The following TMEM260 variants were observed in gnomAD, a reference collection of about 807,000 sequenced individuals.
TMEM260 encodes protein O-mannosyl-transferase TMEM260.
TMEM260 carries 82 observed loss-of-function variants against 88.9 expected under a neutral mutation model. The ratio of observed to expected loss-of-function variants is 0.92; its 90% confidence interval spans 0.77 to 1.11. The LOEUF (loss-of-function observed/expected upper bound fraction) is 1.11, where lower values mean the gene tolerates loss of function less well. Ranked by LOEUF, TMEM260 falls within the 50% of genes least tolerant of loss-of-function variation. TMEM260 has a pLI of 0.00. For missense variants in TMEM260, 902 were observed against 853.4 expected, an observed-to-expected ratio of 1.06 and a Z score of -0.71; for synonymous variants, 314 against 309.3, an observed-to-expected ratio of 1.02 and a Z score of -0.16.
intron 15 of TMEM260, among the ~76,000 whole-genome samples, chr14:56,638,521 C>T (rs1409762517): frequency 6.6e-6 from 1 of 152,066 alleles, no homozygotes; most frequent in East Asian, 1.9e-4. Context: ...TACTAAAGCT[C>T]ATTTGTGGAT....
At chr14:56,593,326 T>G (rs1159441988) in intron 3 of TMEM260, 1 of 152,186 alleles carries the variant, frequency 6.6e-6, no homozygotes, top group Admixed American at 6.5e-5. Context: ...GGGTGAGATT[T>G]TAAACACTTG....
intron 15 of TMEM260, among the ~76,000 whole-genome samples, chr14:56,642,316 C>A (rs1889658332): frequency 6.6e-6 from 1 of 152,108 alleles, no homozygotes. Flanking sequence ...GTCTCTCAGA[C>A]CACAGTGCAA....
At position 56,615,964 on chromosome 14, in the gene TMEM260, G is replaced by C; in HGVS notation, c.878G>C (p.Arg293Thr). The C allele has an allele frequency of 6.2e-7, 1 of 1,613,010 alleles. No homozygotes were observed. Among genetic ancestry groups the C allele is most frequent in the African/African-American group, 1.3e-5 (1 of 75,000 alleles). The change falls in exon 8 of 16, where the codon AGG becomes ACG. Residue 293 changes from arginine to threonine, a missense_variant. Transcript: ENST00000261556. ...TGCAGTTCTCAAGTAACAAATATGAGGACCGAACTCTCATTCAACATCCAA... is the reference window on the plus strand; with the variant it reads ...TGCAGTTCTCAAGTAACAAATATGACGACCGAACTCTCATTCAACATCCAA... ...EILLSQVTNM[R>T]TELSFNIQAL...
chr14:56,611,808 A>G (rs1887293567), intron 6 of TMEM260, among the ~76,000 whole-genome samples: 1 of 152,202 alleles, frequency 6.6e-6, no homozygotes, highest in Non-Finnish European at 1.5e-5. Context: ...TCAATGGTAG[A>G]CTGGATTTTT....
chr14:56,662,876 C>T, the TMEM260 span, among the ~76,000 whole-genome samples: 2 of 152,212 alleles, frequency 1.3e-5, no homozygotes, highest in African/African-American at 4.8e-5. Flanking sequence ...GCCTGTAATC[C>T]CAGCACTTTG....
In TMEM260 at chr14:56,580,023, G is replaced by T; in HGVS notation, c.109G>T (p.Ala37Ser). 2 of 1,249,652 alleles carry T rather than the reference G, an allele frequency of 1.6e-6. No homozygotes were observed. The highest frequency in any genetic ancestry group is 1.0e-6 in the Non-Finnish European group (1 of 989,762). 77.4% of individuals were successfully genotyped at this position (1,249,652 alleles called of 1,614,324 possible). ...RGGVAVFAAVAAVFTFTLPPS... is the reference protein window; with the variant it reads ...RGGVAVFAAVSAVFTFTLPPS... ...CGGCGTGGCGGTGTTCGCCGCCGTG[G>T]CCGCAGTGTTCACCTTCACCCTGCC... The change falls in exon 1 of 16, where the codon GCC becomes TCC. Residue 37 changes from alanine to serine, a missense_variant. Coordinates refer to ENST00000261556, the MANE Select transcript of TMEM260 (RefSeq NM_017799.4).
At chr14:56,636,426 G>A (rs1427313859) in intron 14 of TMEM260, 82 bp from the exon 15 acceptor site, 3 of 1,066,202 alleles carry the variant, frequency 2.8e-6, no homozygotes, top group Non-Finnish European at 1.5e-6. Flanking sequence ...CCTTATCAGT[G>A]GAGAAGCCTG....
At chr14:56,609,829 A>G (rs754398587) in intron 6 of TMEM260, among the ~76,000 whole-genome samples, 2 of 152,212 alleles carry the variant, frequency 1.3e-5, no homozygotes, top group Non-Finnish European at 2.9e-5. Flanking sequence ...TGCTTTTCCT[A>G]AGACATATTA....
chr14:56,591,462 T>C lies in TMEM260; in HGVS notation c.344+5550T>C, dbSNP rs565794245. Among the ~76,000 whole-genome samples the C allele has an allele frequency of 1.1e-4, 17 of 152,336 alleles. No homozygotes were observed. The South Asian group carries it at 2.1e-3, about 19-fold the overall frequency. On this transcript the variant is annotated intron_variant, in intron 3 of 15. Transcript: ENST00000261556. Reference sequence around the variant, plus strand: ...TGTTCTGCCTTGACTTCCTATACTTTTAGTATCTTAACATTCTAAGAATTA... The same window carrying C: ...TGTTCTGCCTTGACTTCCTATACTTCTAGTATCTTAACATTCTAAGAATTA...
chr14:56,657,314 T>G, the TMEM260 span, among the ~76,000 whole-genome samples: 4 of 151,998 alleles, frequency 2.6e-5, no homozygotes, highest in Non-Finnish European at 5.9e-5. Context: ...TTTTTTTTAC[T>G]TTTTTAAAAA....
At chr14:56,584,338 G>A (rs1334809435) in intron 1 of TMEM260, among the ~76,000 whole-genome samples, 1 of 152,028 alleles carries the variant, frequency 6.6e-6, no homozygotes, top group Non-Finnish European at 1.5e-5. Context: ...CTCTGAATAC[G>A]TAAAAGGTTA....
chr14:56,643,250 A>G lies in TMEM260; in HGVS notation c.1870-3993A>G, dbSNP rs534490437. 3.4e-4 allele frequency among the ~76,000 whole-genome samples: 52 copies of G among 152,350 alleles called. No individual in the cohort carries two copies. The South Asian group carries it at 9.1e-3, about 27-fold the overall frequency. On this transcript the variant is annotated intron_variant, in intron 15 of 15. Transcript: ENST00000261556. Reference sequence around the variant, plus strand: ...AGTATCCTTGATGAACATTGATGCAAAAATCCTCAATAAAATACTGGCAAA... The same window carrying G: ...AGTATCCTTGATGAACATTGATGCAGAAATCCTCAATAAAATACTGGCAAA...
At chr14:56,600,283 G>T (rs954107002) in intron 3 of TMEM260, among the ~76,000 whole-genome samples, 2 of 152,054 alleles carry the variant, frequency 1.3e-5, no homozygotes, top group African/African-American at 4.8e-5. Flanking sequence ...TCTGTTTTGC[G>T]CAAGACTAGG....
intron 11 of TMEM260, among the ~76,000 whole-genome samples, chr14:56,624,157 G>A (rs1394975966): frequency 6.6e-6 from 1 of 152,062 alleles, no homozygotes; most frequent in African/African-American, 2.4e-5. Flanking sequence ...CTTCTCCAGG[G>A]CAGGGATTAT....
At position 56,647,307 on chromosome 14, in the gene TMEM260, T is replaced by C. The variant is rs1890028088; in HGVS notation, c.1934T>C (p.Ile645Thr). ...GTGAATTGGCACAAGAACTATGCCA[T>C]CGCCTGTGAGCGGATGCTGCGTCTT... is the stretch of plus-strand genomic sequence containing the variant. ...HPVNWHKNYA[I>T]ACERMLRLQA... Residue 645 changes from isoleucine (I) to threonine (T), a missense_variant, in exon 16 of 16, where the codon ATC becomes ACC. Ile to Thr is a moderately conservative substitution (Grantham distance 89, BLOSUM62 -1). Transcript: ENST00000261556. The C allele has an allele frequency of 6.2e-7, 1 of 1,614,080 alleles. No individual in the cohort carries two copies. Among genetic ancestry groups the C allele is most frequent in the African/African-American group, 1.3e-5 (1 of 74,940 alleles).
chr14:56,631,839 G>A (rs12889584), intron 12 of TMEM260, among the ~76,000 whole-genome samples: 58,103 of 152,072 alleles, frequency 0.38, 12,068 homozygotes, highest in East Asian at 0.6. Context: ...CTATCTATCT[G>A]TTGGGAAACT....
chr14:56,603,784 AAAG>A (rs1229095442), intron 3 of TMEM260, 28 bp from the exon 4 acceptor site: 10 of 1,612,772 alleles, frequency 6.2e-6, no homozygotes, highest in African/African-American at 1.3e-5. Context: ...TTTTGTTGGA[AAAG>A]AAGATTTCAT....
intron 12 of TMEM260, among the ~76,000 whole-genome samples, chr14:56,630,714 TTGAGA>T (rs1888536907): frequency 6.6e-6 from 1 of 152,188 alleles, no homozygotes; most frequent in South Asian, 2.1e-4. Context: ...CCCTTATGAG[TTGAGA>T]TTTTTCTGGT....
In TMEM260 at chr14:56,625,386, T is replaced by C; in HGVS notation, c.1403T>C (p.Met468Thr). 1 of 1,611,730 alleles carries C rather than the reference T, an allele frequency of 6.2e-7. No homozygotes were observed. The highest frequency in any genetic ancestry group is 8.5e-7 in the Non-Finnish European group (1 of 1,179,454). The change falls in exon 12 of 16, where the codon ATG becomes ACG. Residue 468 changes from methionine (M) to threonine (T), a missense_variant. Physicochemically the swap from Met to Thr is moderately conservative, Grantham distance 81. Transcript: ENST00000261556. ...TATGTGTGACTTTTCTGGCAGATGA[T>C]GACTTACGAGTGGTATTTACCCAAG... The part of the protein sequence containing the change: ...PDISLVDQEM[M>T]TYEWYLPKMA...
Sources: allele counts gnomAD v4.1 joint callset (sites outside exome capture counted in the v4.1 genomes callset), GRCh38; gene constraint gnomAD v4.1.1; transcripts MANE v1.5; gene names NCBI Gene and HGNC (gene_info 2026-07-23, HGNC 2026-07-21).